The following SMG6 variants were observed in gnomAD, a reference collection of about 807,000 sequenced individuals.
SMG6 encodes SMG6 nonsense mediated mRNA decay factor, also known as telomerase-binding protein EST1A.
In SMG6, 66 loss-of-function variants were observed where a neutral mutation model predicts 142.2. The observed-to-expected ratio is 0.46, with a 90% CI of 0.38 to 0.57. The LOEUF (loss-of-function observed/expected upper bound fraction) is 0.57. Ranked by LOEUF, SMG6 falls within the 20% of genes least tolerant of loss-of-function variation. The pLI, the probability that SMG6 is intolerant of heterozygous loss-of-function variation, is 0.00. For missense variants in SMG6, 1,793 were observed against 1,832.0 expected, an observed-to-expected ratio of 0.98 and a Z score of 0.39; for synonymous variants, 779 against 702.4, an observed-to-expected ratio of 1.11 and a Z score of -1.72.
chr17:2,183,404 A>C (rs914593503), intron 12 of SMG6, among the ~76,000 whole-genome samples: 1 of 152,192 alleles, frequency 6.6e-6, no homozygotes, highest in Non-Finnish European at 1.5e-5. Flanking sequence ...AGTGACACTA[A>C]CACAAAGAAG....
chr17:2,066,258 G>A (rs529303123), intron 16 of SMG6, among the ~76,000 whole-genome samples: 47 of 152,162 alleles, frequency 3.1e-4, no homozygotes, highest in African/African-American at 9.4e-4. Context: ...GTGTGTGTGC[G>A]CGCACGTGTA....
intron 10 of SMG6, among the ~76,000 whole-genome samples, chr17:2,218,280 T>G (rs934786183): frequency 6.6e-6 from 1 of 152,144 alleles, no homozygotes; most frequent in Non-Finnish European, 1.5e-5. Context: ...CCAGGCGCGG[T>G]GGCTCACACC....
intron 13 of SMG6, among the ~76,000 whole-genome samples, chr17:2,160,381 G>A (rs993461520): frequency 1.3e-5 from 2 of 152,050 alleles, no homozygotes; most frequent in African/African-American, 4.8e-5. Context: ...ACCAAACCTG[G>A]TTAATTTTTG....
intron 10 of SMG6, among the ~76,000 whole-genome samples, chr17:2,192,276 C>T (rs1004436278): frequency 6.6e-6 from 1 of 152,224 alleles, no homozygotes; most frequent in Non-Finnish European, 1.5e-5. Flanking sequence ...TGAAGGAAAC[C>T]AGTACCAGTG....
chr17:2,209,163 C>CA lies in SMG6; in HGVS notation c.2870-20649dup, dbSNP rs755713680. ...TGGATGACAGAGGGAAACCTTGTCTCAAAAAAACAAAACAAAACAAGAGAG... is the reference window on the plus strand; with the variant it reads ...TGGATGACAGAGGGAAACCTTGTCTCAAAAAAAACAAAACAAAACAAGAGAG... On this transcript the variant is annotated intron_variant, in intron 10 of 18. Transcript: ENST00000263073. Among the ~76,000 whole-genome samples the CA allele has an allele frequency of 5.3e-5, 8 of 151,994 alleles. No homozygotes were observed. In the East Asian group the frequency reaches 5.8e-4, roughly 11 times the overall value.
intron 12 of SMG6, among the ~76,000 whole-genome samples, chr17:2,181,190 T>C (rs1312821726): frequency 6.6e-6 from 1 of 152,240 alleles, no homozygotes; most frequent in Non-Finnish European, 1.5e-5. Context: ...ACCAGAGTAT[T>C]TACTCAGTGA....
chr17:2,066,003 G>A (rs1298152893), intron 16 of SMG6: 3 of 374,530 alleles, frequency 8.0e-6, no homozygotes, highest in Non-Finnish European at 1.5e-5. Context: ...CAGGACTCAC[G>A]TGAAAGGGTC....
chr17:2,065,822 C>G, intron 16 of SMG6, 143 bp from the exon 17 acceptor site: 1 of 695,060 alleles, frequency 1.4e-6, no homozygotes, highest in Non-Finnish European at 2.4e-6. Context: ...AAACTAGGGC[C>G]GGAGGGGAGC....
chr17:2,073,353 G>T (rs1252255505), intron 15 of SMG6, among the ~76,000 whole-genome samples: 2 of 151,942 alleles, frequency 1.3e-5, no homozygotes, highest in African/African-American at 4.8e-5. Flanking sequence ...CAAAGTGCTG[G>T]GATTACAGGC....
intron 10 of SMG6, among the ~76,000 whole-genome samples, chr17:2,190,166 C>A (rs918070359): frequency 2.6e-5 from 4 of 152,152 alleles, no homozygotes; most frequent in Admixed American, 2.0e-4. Flanking sequence ...TCAGTACCGC[C>A]CAGCTCAGTC....
In SMG6 at chr17:2,172,678, C is replaced by T. The variant is rs775801748; in HGVS notation, c.3337G>A (p.Val1113Met). Reference protein sequence around the residue: ...LLAAPQDPCYVEKTSDKVIAA... With the variant: ...LLAAPQDPCYMEKTSDKVIAA... The stretch of plus-strand genomic sequence containing the variant: ...CTGACCTTATCCGAGGTTTTCTCCA[C>T]GTAGCAGGGGTCCTGAGGGGCAGCC... Residue 1113 changes from valine (V) to methionine (M), a missense_variant, in exon 13 of 19, where the codon GTG becomes ATG. Physicochemically the swap from Val to Met is conservative, Grantham distance 21. Transcript: ENST00000263073. 4.3e-5 allele frequency: 70 copies of T among 1,613,486 alleles called. No individual in the cohort carries two copies. The East Asian group carries it at 1.2e-3, about 28-fold the overall frequency.
intron 10 of SMG6, among the ~76,000 whole-genome samples, chr17:2,205,323 T>C: frequency 6.6e-6 from 1 of 152,148 alleles, no homozygotes; most frequent in African/African-American, 2.4e-5. Context: ...TCCATCTTGC[T>C]GGGATTACAG....
At chr17:2,155,401 CAT>C (rs1298081988) in intron 13 of SMG6, among the ~76,000 whole-genome samples, 1 of 152,110 alleles carries the variant, frequency 6.6e-6, no homozygotes, top group East Asian at 1.9e-4. Flanking sequence ...AGGGAAAAAA[CAT>C]AAAGTATCCA....
At chr17:2,078,965 C>A (rs985614307) in intron 15 of SMG6, among the ~76,000 whole-genome samples, 1 of 151,408 alleles carries the variant, frequency 6.6e-6, no homozygotes, top group African/African-American at 2.5e-5. Flanking sequence ...GATAGGTCAT[C>A]GGTGATTTTT....
intron 8 of SMG6, among the ~76,000 whole-genome samples, chr17:2,245,461 C>A (rs2073908300): frequency 6.6e-6 from 1 of 152,240 alleles, no homozygotes; most frequent in South Asian, 2.1e-4. Context: ...TTTCAGCTCA[C>A]TGCAACCTCC....
intron 13 of SMG6, among the ~76,000 whole-genome samples, chr17:2,142,508 A>G (rs2070512914): frequency 7.0e-6 from 1 of 143,280 alleles, no homozygotes. Context: ...ATGAACTCCT[A>G]CAACTCAATG....
At chr17:2,205,733 G>A (rs192052963) in intron 10 of SMG6, among the ~76,000 whole-genome samples, 137 of 152,168 alleles carry the variant, frequency 9.0e-4, no homozygotes, top group Middle Eastern at 3.4e-3. Flanking sequence ...TTAAAGCATG[G>A]ACTCTATGCA....
chr17:2,153,171 C>CT (rs1013084353), intron 13 of SMG6, among the ~76,000 whole-genome samples: 53 of 152,150 alleles, frequency 3.5e-4, no homozygotes, highest in Non-Finnish European at 2.6e-4. Context: ...TTTTTTGAGA[C>CT]TTTTTTTTAA....
chr17:2,179,484 ACAAGACCT>A (rs927269789), intron 12 of SMG6, among the ~76,000 whole-genome samples: 1 of 152,090 alleles, frequency 6.6e-6, no homozygotes, highest in African/African-American at 2.4e-5. Flanking sequence ...TCCCTATGTG[ACAAGACCT>A]CAGAGGGCTC....
Sources: gnomAD v4.1 joint callset for allele counts (sites outside exome capture counted in the v4.1 genomes callset) on GRCh38, gnomAD v4.1.1 for gene constraint, MANE v1.5 for transcripts, NCBI Gene and HGNC (gene_info 2026-07-23, HGNC 2026-07-21) for gene names.